The following ROBO2 variants were observed in gnomAD, a reference collection of about 807,000 sequenced individuals.
The protein encoded by ROBO2 is roundabout guidance receptor 2.
ROBO2 carries 53 observed loss-of-function variants against 160.8 expected under a neutral mutation model. That is an observed-to-expected ratio of 0.33 (90% CI 0.26 to 0.41). The LOEUF (loss-of-function observed/expected upper bound fraction) is 0.41, where lower values mean the gene tolerates loss of function less well. Ranked by LOEUF, ROBO2 falls within the 10% of genes least tolerant of loss-of-function variation. The probability of loss-of-function intolerance (pLI) is 1.00; values close to 1 mark genes in which losing one functional copy is unlikely to be tolerated. For synonymous variants in ROBO2, 664 were observed against 611.7 expected, an observed-to-expected ratio of 1.09 and a Z score of -1.26; for missense variants, 1,577 against 1,722.4, an observed-to-expected ratio of 0.92 and a Z score of 1.49.
intron 2 of ROBO2, among the ~76,000 whole-genome samples, chr3:76,872,867 A>G (rs1282834171): frequency 6.6e-6 from 1 of 152,044 alleles, no homozygotes; most frequent in African/African-American, 2.4e-5. Context: ...AGAGTCATCA[A>G]TGTGGCTAGG....
upstream of ROBO2, among the ~76,000 whole-genome samples, chr3:77,037,068 T>G (rs1333557682): frequency 6.6e-6 from 1 of 152,136 alleles, no homozygotes; most frequent in Non-Finnish European, 1.5e-5. Context: ...TCTCAGAAGG[T>G]AATGTCTTTG....
intron 2 of ROBO2, among the ~76,000 whole-genome samples, chr3:77,113,698 G>GA (rs2073916810): frequency 6.6e-6 from 1 of 152,120 alleles, no homozygotes; most frequent in Non-Finnish European, 1.5e-5. Context: ...TGTCTTCTGG[G>GA]AAATATTATC....
chr3:77,149,964 AAG>A (rs1414337684), intron 2 of ROBO2, among the ~76,000 whole-genome samples: 1 of 152,188 alleles, frequency 6.6e-6, no homozygotes, highest in Non-Finnish European at 1.5e-5. Flanking sequence ...TGAAAAAAGA[AAG>A]AGCAAAAGAC....
Position 77,327,836 on chromosome 3 carries a change from G to A in ROBO2, c.389-149578G>A, listed in dbSNP as rs543798056. ...AGGCCGAGGTGGGTCGATCACCTGAGGTCAGGAGTTTGAGACTAGCCTGGA... is the reference window on the plus strand; with the variant it reads ...AGGCCGAGGTGGGTCGATCACCTGAAGTCAGGAGTTTGAGACTAGCCTGGA... On this transcript the variant is annotated intron_variant, in intron 2 of 25. Coordinates refer to ENST00000461745, the Ensembl canonical transcript of ROBO2. Among the ~76,000 whole-genome samples, 70 of 152,076 alleles carry A rather than the reference G, an allele frequency of 4.6e-4. 2 individuals are homozygous for A. The South Asian group carries it at 0.014, about 31-fold the overall frequency.
intron 2 of ROBO2, among the ~76,000 whole-genome samples, chr3:77,395,703 G>C (rs1232993344): frequency 6.6e-6 from 1 of 152,036 alleles, no homozygotes; most frequent in Non-Finnish European, 1.5e-5. Flanking sequence ...TCTTTTATGA[G>C]AGTTTAACTG....
At chr3:76,214,203 T>C (rs987119977) in intron 2 of ROBO2, among the ~76,000 whole-genome samples, 1 of 152,186 alleles carries the variant, frequency 6.6e-6, no homozygotes, top group Non-Finnish European at 1.5e-5. Context: ...TCCAGCATGA[T>C]ACAACAGTCC....
intron 5 of ROBO2, among the ~76,000 whole-genome samples, chr3:77,507,778 T>C (rs535453959): frequency 6.6e-6 from 1 of 152,164 alleles, no homozygotes; most frequent in Admixed American, 6.6e-5. Context: ...GAACAAATGT[T>C]CTTCTTAGTT....
At chr3:75,923,777 G>A (rs1559754630) in intron 1 of ROBO2, among the ~76,000 whole-genome samples, 1 of 152,190 alleles carries the variant, frequency 6.6e-6, no homozygotes, top group Non-Finnish European at 1.5e-5. Context: ...TAAGCACATA[G>A]GAAACACAAA....
chr3:76,142,457 T>C (rs2071708114), intron 2 of ROBO2, among the ~76,000 whole-genome samples: 1 of 152,010 alleles, frequency 6.6e-6, no homozygotes, highest in South Asian at 2.1e-4. Context: ...GTAGTACATA[T>C]ACACAATGGA....
At chr3:77,014,635 G>A (rs184670893) in intron 2 of ROBO2, among the ~76,000 whole-genome samples, 68 of 152,254 alleles carry the variant, frequency 4.5e-4, no homozygotes, top group African/African-American at 1.5e-3. Flanking sequence ...AAAATGCAAG[G>A]TGTTGTATTA....
intron 2 of ROBO2, among the ~76,000 whole-genome samples, chr3:76,580,328 G>GGT (rs2085587668): frequency 2.7e-4 from 18 of 67,248 alleles, no homozygotes; most frequent in African/African-American, 1.1e-3. Context: ...TTTTTTTTTT[G>GGT]TTTTTTTTTT....
At chr3:76,547,055 A>G (rs904534375) in intron 2 of ROBO2, among the ~76,000 whole-genome samples, 1 of 152,040 alleles carries the variant, frequency 6.6e-6, no homozygotes, top group Admixed American at 6.6e-5. Context: ...GCACAAAAGC[A>G]GTTAGGCTAA....
chr3:76,879,845 C>G (rs969353623), intron 2 of ROBO2, among the ~76,000 whole-genome samples: 1 of 152,074 alleles, frequency 6.6e-6, no homozygotes, highest in Non-Finnish European at 1.5e-5. Context: ...AAAGATGACA[C>G]TATTAAGAAG....
chr3:76,145,430 G>A (rs902054730), intron 2 of ROBO2, among the ~76,000 whole-genome samples: 35 of 151,914 alleles, frequency 2.3e-4, no homozygotes, highest in African/African-American at 7.5e-4. Context: ...GCAAAAGCTT[G>A]GGAGGAGACA....
chr3:76,643,795 G>C (rs560209040), intron 2 of ROBO2, among the ~76,000 whole-genome samples: 1 of 152,004 alleles, frequency 6.6e-6, no homozygotes, highest in East Asian at 1.9e-4. Flanking sequence ...AGAATTTATG[G>C]CTGTCCTGGG....
chr3:76,586,132 C>G (rs994288344), intron 2 of ROBO2, among the ~76,000 whole-genome samples: 2 of 152,102 alleles, frequency 1.3e-5, no homozygotes, highest in African/African-American at 2.4e-5. Context: ...TTAAAGTTTT[C>G]AGGATAATAG....
chr3:77,422,208 C>T (rs2077773546), intron 2 of ROBO2, among the ~76,000 whole-genome samples: 1 of 152,122 alleles, frequency 6.6e-6, no homozygotes, highest in Non-Finnish European at 1.5e-5. Flanking sequence ...TACCTGAAGG[C>T]GAAATCAAGT....
At chr3:76,655,439 C>CATGTATATATATATATATATATATAT (rs2091463396) in intron 2 of ROBO2, among the ~76,000 whole-genome samples, 1 of 57,764 alleles carries the variant, frequency 1.7e-5, no homozygotes, top group African/African-American at 5.2e-5. Flanking sequence ...GATTTTTTTC[C>CATGTATATATATATATATATATATAT]ATATATATAT....
chr3:77,347,667 G>C (rs1330211580), intron 2 of ROBO2, among the ~76,000 whole-genome samples: 1 of 152,014 alleles, frequency 6.6e-6, no homozygotes, highest in Non-Finnish European at 1.5e-5. Context: ...TGATGGCCTT[G>C]TTAGAGTATT....
Sources: allele counts gnomAD v4.1 joint callset (sites outside exome capture counted in the v4.1 genomes callset), GRCh38; gene constraint gnomAD v4.1.1; transcripts MANE v1.5; gene names NCBI Gene and HGNC (gene_info 2026-07-23, HGNC 2026-07-21).